The following IDE variants were observed in gnomAD, a reference collection of about 807,000 sequenced individuals.
The protein encoded by IDE is insulin-degrading enzyme.
A neutral mutation model predicts 133.2 loss-of-function variants in IDE; 58 were observed. The observed-to-expected ratio is 0.44, with a 90% confidence interval of 0.35 to 0.54. The LOEUF (loss-of-function observed/expected upper bound fraction) is 0.54, where lower values mean the gene tolerates loss of function less well. Among genes scored for constraint, IDE ranks in the 20% least tolerant of loss-of-function variants. The probability of loss-of-function intolerance (pLI) is 0.00; values close to 1 mark genes in which losing one functional copy is unlikely to be tolerated. For synonymous variants in IDE, 396 were observed against 421.3 expected (o/e 0.94, Z 0.73); for missense variants, 981 against 1,234.0 (o/e 0.79, Z 3.07).
intron 11 of IDE, among the ~76,000 whole-genome samples, chr10:92,498,785 C>T (rs1847859371): frequency 6.6e-6 from 1 of 151,806 alleles, no homozygotes; most frequent in South Asian, 2.1e-4. Context: ...ATTAGTCAGG[C>T]ATGGTGGCGG....
At chr10:92,497,350 C>T (rs1313645250) in intron 11 of IDE, among the ~76,000 whole-genome samples, 2 of 152,160 alleles carry the variant, frequency 1.3e-5, no homozygotes, top group East Asian at 1.9e-4. Flanking sequence ...ATGAAACTGG[C>T]TACCTTGGTA....
chr10:92,479,170 A>T (rs1846448486), intron 15 of IDE, 107 bp downstream of exon 15: 1 of 683,152 alleles, frequency 1.5e-6, no homozygotes, highest in Non-Finnish European at 2.3e-6. Flanking sequence ...AGCCATAAAG[A>T]TTAAAAAAAA....
Position 92,524,470 on chromosome 10 carries a change from A to ATATATTT in IDE, c.661+7277_661+7278insAAATATA, listed in dbSNP as rs1849481885. 1.6e-4 allele frequency among the ~76,000 whole-genome samples: 8 copies of ATATATTT among 49,072 alleles called. 1 individual carries two copies. Among genetic ancestry groups the ATATATTT allele is most frequent in the African/African-American group, 6.1e-4 (7 of 11,386 alleles). 32.2% of individuals were successfully genotyped at this position (49,072 alleles called of 152,430 possible). The stretch of plus-strand genomic sequence containing the variant: ...TTTTATATATTATATATTTTATATA[A>ATATATTT]TATATAATATATATTATATTATAAT... On this transcript the variant is annotated intron_variant, in intron 4 of 24. Coordinates refer to ENST00000265986, the MANE Select transcript of IDE (RefSeq NM_004969.4).
intron 16 of IDE, among the ~76,000 whole-genome samples, 177 bp from the exon 17 acceptor site, chr10:92,475,138 A>T (rs982740027): frequency 6.6e-6 from 1 of 152,212 alleles, no homozygotes; most frequent in African/African-American, 2.4e-5. Flanking sequence ...ATCTTTACAT[A>T]AAAGTGCATG....
chr10:92,497,518 C>A (rs1256214675), intron 11 of IDE, among the ~76,000 whole-genome samples: 3 of 152,148 alleles, frequency 2.0e-5, no homozygotes, highest in South Asian at 2.1e-4. Context: ...TGGAACCAAT[C>A]CCCTGCGGAT....
chr10:92,502,305 T>C (rs1263042654), intron 11 of IDE, among the ~76,000 whole-genome samples: 2 of 152,228 alleles, frequency 1.3e-5, no homozygotes. Context: ...TCTTCTTTCA[T>C]TTTTCTCGGC....
chr10:92,475,917 A>G lies in IDE; in HGVS notation c.1962T>C (p.Ile654=). The change falls in exon 16 of 25, where the codon ATT becomes ATC. Residue 654 remains isoleucine (I), a synonymous_variant. Coordinates refer to ENST00000265986, the MANE Select transcript of IDE (RefSeq NM_004969.4). The stretch of plus-strand genomic sequence containing the variant: ...TGATAATTTCAAATCTTTTTTCATC[A>G]ATCTCAAAGGTAGCCATTTTCTCAA... ...KIIEKMATFE[I]DEKRFEIIKE... 1.3e-6 allele frequency: 2 copies of G among 1,511,592 alleles called. No individual in the cohort carries two copies. The highest frequency in any genetic ancestry group is 1.8e-6 in the Non-Finnish European group (2 of 1,103,032). The allele number at this position is 1,511,592 out of a possible 1,614,324, so 93.6% of individuals were successfully genotyped here. A position where few individuals can be genotyped will look rare whatever the true frequency, so the allele number is the denominator to read the frequency against.
At chr10:92,535,716 C>T (rs1433387702) in intron 2 of IDE, among the ~76,000 whole-genome samples, 1 of 152,150 alleles carries the variant, frequency 6.6e-6, no homozygotes, top group Non-Finnish European at 1.5e-5. Flanking sequence ...AAAAGAAACA[C>T]TGTCCCACTA....
intron 5 of IDE, 50 bp from the exon 6 acceptor site, chr10:92,510,212 C>A (rs61860640): frequency 1.1e-6 from 1 of 919,298 alleles, no homozygotes; most frequent in Non-Finnish European, 1.7e-6. Context: ...TCATAACATC[C>A]AACAGGGAGT....
chr10:92,478,657 C>T (rs1265789982), intron 15 of IDE: 3 of 1,247,092 alleles, frequency 2.4e-6, no homozygotes, highest in African/African-American at 1.5e-5. Context: ...GTATTGCATT[C>T]ATTCCTGATG....
chr10:92,482,315 T>A (rs900540619), intron 14 of IDE, among the ~76,000 whole-genome samples: 1 of 152,114 alleles, frequency 6.6e-6, no homozygotes, highest in Admixed American at 6.5e-5. Flanking sequence ...CAAAGTAAAA[T>A]CTGAAACAGG....
intron 5 of IDE, among the ~76,000 whole-genome samples, chr10:92,511,979 G>A (rs947027550): frequency 6.6e-6 from 1 of 152,162 alleles, no homozygotes; most frequent in Non-Finnish European, 1.5e-5. Flanking sequence ...TAAATTCACA[G>A]TGTCACTTTT....
chr10:92,561,161 C>A (rs1273840299), intron 1 of IDE, among the ~76,000 whole-genome samples: 2 of 151,952 alleles, frequency 1.3e-5, no homozygotes, highest in Non-Finnish European at 2.9e-5. Flanking sequence ...GAGGCTGAGG[C>A]AGGAGAATCA....
At chr10:92,535,312 C>T (rs1307391687) in intron 2 of IDE, among the ~76,000 whole-genome samples, 2 of 152,094 alleles carry the variant, frequency 1.3e-5, no homozygotes, top group East Asian at 3.9e-4. Context: ...ACCGTGTTAG[C>T]CAGGATGGTC....
At chr10:92,549,472 A>C (rs1449098777) in intron 1 of IDE, among the ~76,000 whole-genome samples, 1 of 152,158 alleles carries the variant, frequency 6.6e-6, no homozygotes, top group Non-Finnish European at 1.5e-5. Flanking sequence ...TCAATCAATC[A>C]ATCAATCAAC....
intron 7 of IDE, 122 bp downstream of exon 7, chr10:92,508,606 C>A: frequency 1.3e-6 from 1 of 753,308 alleles, no homozygotes; most frequent in Non-Finnish European, 2.1e-6. Context: ...CACCATCTCA[C>A]TCACTAACCC....
intron 4 of IDE, among the ~76,000 whole-genome samples, chr10:92,529,992 G>A (rs953913086): frequency 1.6e-4 from 24 of 152,234 alleles, no homozygotes; most frequent in African/African-American, 5.3e-4. Context: ...TTGGAAGGCC[G>A]AGGCAGGCGG....
chr10:92,571,846 A>C (rs1014563706), intron 1 of IDE, among the ~76,000 whole-genome samples: 3 of 152,236 alleles, frequency 2.0e-5, no homozygotes, highest in African/African-American at 7.2e-5. Context: ...CTGTGTGGCT[A>C]TCTCTGTTAA....
chr10:92,549,180 T>C lies in IDE; in HGVS notation c.99-11630A>G, dbSNP rs185037013. On this transcript the variant is annotated intron_variant, in intron 1 of 24. Coordinates refer to ENST00000265986, the MANE Select transcript of IDE (RefSeq NM_004969.4). ...GGCTGAGGCACAAGAATCAGTTGAA[T>C]CTGGGAGGCGGATGTTGTGTGAGCC... is the stretch of plus-strand genomic sequence containing the variant. Among the ~76,000 whole-genome samples the C allele has an allele frequency of 8.6e-4, 131 of 151,930 alleles. 1 individual carries two copies. The highest frequency in any genetic ancestry group is 3.1e-3 in the African/African-American group (129 of 41,428).
Sources: allele counts gnomAD v4.1 joint callset (sites outside exome capture counted in the v4.1 genomes callset), GRCh38; gene constraint gnomAD v4.1.1; transcripts MANE v1.5; gene names NCBI Gene and HGNC (gene_info 2026-07-23, HGNC 2026-07-21).